The following LPP variants were observed in gnomAD, a reference collection of about 807,000 sequenced individuals.
LPP encodes the protein lipoma-preferred partner.
Under a neutral mutation model 60.4 loss-of-function variants are expected in LPP, and 38 were observed. The ratio of observed to expected loss-of-function variants is 0.63; its 90% CI spans 0.49 to 0.83. The LOEUF (loss-of-function observed/expected upper bound fraction) is 0.83, where lower values mean the gene tolerates loss of function less well. Among genes scored for constraint, LPP ranks in the 40% least tolerant of loss-of-function variants. LPP has a pLI of 0.00. For synonymous variants in LPP, 328 were observed against 290.8 expected (o/e 1.13, Z -1.30); for missense variants, 902 against 783.6 (o/e 1.15, Z -1.80).
chr3:188,282,767 T>C (rs137883531), intron 2 of LPP, among the ~76,000 whole-genome samples: 342 of 152,296 alleles, frequency 2.2e-3, no homozygotes, highest in Non-Finnish European at 3.1e-3. Context: ...CTCAGAAACA[T>C]CTGACTTCAC....
At chr3:188,215,408 T>C (rs1007951323) in intron 1 of LPP, among the ~76,000 whole-genome samples, 2 of 152,168 alleles carry the variant, frequency 1.3e-5, no homozygotes, top group African/African-American at 4.8e-5. Context: ...ATCTGAAACT[T>C]TGTACCTATA....
intron 2 of LPP, among the ~76,000 whole-genome samples, chr3:188,278,600 C>T (rs186318256): frequency 2.6e-5 from 4 of 151,832 alleles, no homozygotes; most frequent in African/African-American, 7.3e-5. Flanking sequence ...TTTGCTTTCC[C>T]GTCAGTGGTC....
intron 6 of LPP, among the ~76,000 whole-genome samples, chr3:188,577,117 G>A (rs1232788152): frequency 6.6e-6 from 1 of 152,138 alleles, no homozygotes; most frequent in Non-Finnish European, 1.5e-5. Flanking sequence ...CTGTTTTTAA[G>A]ATCACTGAGC....
intron 5 of LPP, among the ~76,000 whole-genome samples, chr3:188,491,216 G>A (rs1357094343): frequency 6.6e-6 from 1 of 152,164 alleles, no homozygotes; most frequent in East Asian, 1.9e-4. Flanking sequence ...CTGGCTTTAC[G>A]TGGGTTGGAC....
chr3:188,590,398 C>T (rs1838422569), intron 6 of LPP, among the ~76,000 whole-genome samples: 1 of 151,960 alleles, frequency 6.6e-6, no homozygotes, highest in South Asian at 2.1e-4. Flanking sequence ...CATGGTGAAA[C>T]CCTGCCTCTA....
At chr3:188,766,214 C>G (rs1212705432) in intron 9 of LPP, among the ~76,000 whole-genome samples, 3 of 151,910 alleles carry the variant, frequency 2.0e-5, no homozygotes, top group Admixed American at 1.3e-4. Flanking sequence ...CCCCCAACTA[C>G]TCAGATTTAA....
chr3:188,408,680 G>C (rs1784237845), intron 4 of LPP, among the ~76,000 whole-genome samples: 1 of 151,400 alleles, frequency 6.6e-6, no homozygotes, highest in Non-Finnish European at 1.5e-5. Flanking sequence ...GTCCCATATT[G>C]AACATGTAGT....
chr3:188,543,950 G>C (rs1390093690), intron 6 of LPP, among the ~76,000 whole-genome samples: 1 of 152,192 alleles, frequency 6.6e-6, no homozygotes, highest in Admixed American at 6.5e-5. Context: ...TGTAGAATCT[G>C]TCAAGTCAGA....
chr3:188,646,238 T>C (rs1435010860), intron 7 of LPP, among the ~76,000 whole-genome samples: 1 of 152,182 alleles, frequency 6.6e-6, no homozygotes, highest in Non-Finnish European at 1.5e-5. Flanking sequence ...TCCTTCAGGA[T>C]TTATTCCTTA....
At chr3:188,769,087 A>G (rs954013093) in intron 9 of LPP, among the ~76,000 whole-genome samples, 2 of 152,204 alleles carry the variant, frequency 1.3e-5, no homozygotes, top group African/African-American at 4.8e-5. Flanking sequence ...AAGTGTCCTC[A>G]TACAGAAGCA....
chr3:188,718,098 A>G (rs1714821421), intron 8 of LPP, among the ~76,000 whole-genome samples: 1 of 152,224 alleles, frequency 6.6e-6, no homozygotes, highest in Admixed American at 6.5e-5. Flanking sequence ...CTGGGATTAC[A>G]GGCGTGAGCC....
chr3:188,832,111 C>G (rs977528091), intron 9 of LPP, among the ~76,000 whole-genome samples: 1 of 152,116 alleles, frequency 6.6e-6, no homozygotes, highest in Admixed American at 6.5e-5. Context: ...AATACCTCTC[C>G]TTGAGTGCAG....
chr3:188,398,601 C>A (rs955151156), intron 3 of LPP, among the ~76,000 whole-genome samples: 1 of 152,186 alleles, frequency 6.6e-6, no homozygotes, highest in Non-Finnish European at 1.5e-5. Context: ...CCTGCTTTGC[C>A]CTTCCGGCTC....
intron 7 of LPP, among the ~76,000 whole-genome samples, chr3:188,670,022 A>C (rs1856646046): frequency 6.6e-6 from 1 of 152,122 alleles, no homozygotes; most frequent in Admixed American, 6.5e-5. Context: ...CAAACACCAC[A>C]TGTTCTCACT....
intron 9 of LPP, among the ~76,000 whole-genome samples, chr3:188,857,477 T>C (rs1417980106): frequency 2.0e-5 from 3 of 152,242 alleles, no homozygotes; most frequent in Non-Finnish European, 2.9e-5. Context: ...CTACCTCCTA[T>C]ACCAGATTGC....
chr3:188,178,652 A>C (rs900871815), intron 1 of LPP: 1 of 152,658 alleles, frequency 6.6e-6, no homozygotes, highest in Non-Finnish European at 1.5e-5. Flanking sequence ...TGCACTTTGC[A>C]AAAGGATATT....
chr3:188,250,377 C>G (rs1184851068), intron 2 of LPP, among the ~76,000 whole-genome samples: 3 of 152,180 alleles, frequency 2.0e-5, no homozygotes, highest in Non-Finnish European at 2.9e-5. Flanking sequence ...TCTCAGGGAT[C>G]ACATCTGGAG....
chr3:188,683,731 G>A (rs994325742), intron 7 of LPP, among the ~76,000 whole-genome samples: 2 of 152,180 alleles, frequency 1.3e-5, no homozygotes, highest in African/African-American at 4.8e-5. Flanking sequence ...GTTGTGTTGC[G>A]GGGTGGGGAG....
At chr3:188,799,859 A>T (rs1454636781) in intron 9 of LPP, among the ~76,000 whole-genome samples, 1 of 152,166 alleles carries the variant, frequency 6.6e-6, no homozygotes, top group Non-Finnish European at 1.5e-5. Context: ...TAAAAAATCA[A>T]GTTATGCACA....
Sources: gnomAD v4.1 joint callset for allele counts (sites outside exome capture counted in the v4.1 genomes callset) on GRCh38, gnomAD v4.1.1 for gene constraint, MANE v1.5 for transcripts, NCBI Gene and HGNC (gene_info 2026-07-23, HGNC 2026-07-21) for gene names.